CASP8: variants seen among roughly 807,000 people sequenced by gnomAD.
The protein encoded by CASP8 is caspase-8.
In CASP8, 24 loss-of-function variants were observed where a neutral mutation model predicts 46.3. The observed-to-expected ratio is 0.52, with a 90% CI of 0.38 to 0.73. The LOEUF (loss-of-function observed/expected upper bound fraction) is 0.73. Among genes scored for constraint, CASP8 ranks in the 30% least tolerant of loss-of-function variants. CASP8 has a pLI of 0.00. For missense variants in CASP8, 460 were observed against 559.0 expected (o/e 0.82, Z 1.79); for synonymous variants, 188 against 200.4 (o/e 0.94, Z 0.52).
chr2:201,241,694 T>C (rs1001138703), intron 2 of CASP8: 1 of 152,238 alleles, frequency 6.6e-6, no homozygotes, highest in African/African-American at 2.4e-5. Flanking sequence ...CTTCCAAATT[T>C]ATTTTATGTG....
chr2:201,251,321 G>A lies in CASP8; in HGVS notation c.-26-15140G>A, dbSNP rs929554667. On this transcript the variant is annotated intron_variant, in intron 2 of 6. Transcript: ENST00000264274. The stretch of plus-strand genomic sequence containing the variant: ...CGGTAAGCATATGCTTTGGCCAGGC[G>A]CGGTGGCTCATGACTGTGATCCCAG... Among the ~76,000 whole-genome samples the A allele has an allele frequency of 4.6e-5, 7 of 152,246 alleles. No homozygotes were observed. The South Asian group carries it at 1.0e-3, about 23-fold the overall frequency.
At chr2:201,271,352 G>A (rs535861013) in intron 2 of CASP8, among the ~76,000 whole-genome samples, 164 bp from the exon 3 acceptor site, 11 of 152,184 alleles carry the variant, frequency 7.2e-5, no homozygotes, top group Non-Finnish European at 1.3e-4. Flanking sequence ...AGACTTCTGT[G>A]TCACCACACC....
upstream of CASP8, among the ~76,000 whole-genome samples, chr2:201,258,739 C>G (rs1278462947): frequency 1.7e-5 from 2 of 115,194 alleles, no homozygotes; most frequent in Non-Finnish European, 3.7e-5. Flanking sequence ...GGCCCTGGGG[C>G]CGACGGTTAA....
In CASP8 at chr2:201,272,584, T is replaced by C. The variant is rs1487179790; in HGVS notation, c.412-54T>C. Reference sequence around the variant, plus strand: ...GGAAATTAAAAAAAAAAATCTAATCTAAAAACCAGTAGGGCTCAATCCAGA... The same window carrying C: ...GGAAATTAAAAAAAAAAATCTAATCCAAAAACCAGTAGGGCTCAATCCAGA... On this transcript the variant is annotated intron_variant, in intron 3 of 8. Coordinates refer to ENST00000673742, the MANE Select transcript of CASP8 (RefSeq NM_001372051.1). This position sits in a 1 kb window ranked among gnomAD's most constrained non-coding sequence, Gnocchi z 4.4. 2.5e-6 allele frequency: 4 copies of C among 1,601,732 alleles called. No homozygotes were observed. Among genetic ancestry groups the C allele is most frequent in the African/African-American group, 2.7e-5 (2 of 74,482 alleles).
At chr2:201,275,109 TA>T (rs1948545607) in intron 6 of CASP8, among the ~76,000 whole-genome samples, 156 bp downstream of exon 6, 1 of 152,148 alleles carries the variant, frequency 6.6e-6, no homozygotes, top group Non-Finnish European at 1.5e-5. Context: ...CAAAAAAAGT[TA>T]AAAATGTGAC....
At chr2:201,235,580 C>T (rs1194270836) in intron 2 of CASP8, among the ~76,000 whole-genome samples, 1 of 152,124 alleles carries the variant, frequency 6.6e-6, no homozygotes, top group Non-Finnish European at 1.5e-5. Context: ...TTAGTATTCT[C>T]TTAGTAATTG....
intron 5 of CASP8, among the ~76,000 whole-genome samples, chr2:201,274,405 T>C (rs1948490553): frequency 6.6e-6 from 1 of 152,232 alleles, no homozygotes; most frequent in African/African-American, 2.4e-5. Flanking sequence ...AGCATGTTAA[T>C]TGCCCTGCTT....
upstream of CASP8, chr2:201,258,477 A>C: frequency 1.4e-6 from 2 of 1,460,998 alleles, no homozygotes; most frequent in Non-Finnish European, 1.9e-6. Context: ...GGGGTGGGGA[A>C]GCAACTTGGA....
chr2:201,284,925 C>T lies in CASP8; in HGVS notation c.912C>T (p.His304=), dbSNP rs139361998. Reference sequence around the variant, plus strand: ...TGAAAATCTACCAACTCATGGACCACAGTAACATGGACTGCTTCATCTGCT... The same window carrying T: ...TGAAAATCTACCAACTCATGGACCATAGTAACATGGACTGCTTCATCTGCT... The part of the protein sequence containing the change: ...EILKIYQLMD[H]SNMDCFICCI... Residue 304 remains histidine (H), a synonymous_variant, in exon 8 of 9, where the codon CAC becomes CAT. Transcript: ENST00000673742. The T allele has an allele frequency of 4.9e-5, 79 of 1,614,018 alleles. No homozygotes were observed. Among genetic ancestry groups the T allele is most frequent in the Non-Finnish European group, 5.6e-5 (66 of 1,180,036 alleles).
chr2:201,274,241 T>G (rs1948479579), intron 5 of CASP8, among the ~76,000 whole-genome samples: 1 of 152,180 alleles, frequency 6.6e-6, no homozygotes, highest in Admixed American at 6.5e-5. Flanking sequence ...AAGTACTAAA[T>G]CATTAATTCA....
At position 201,270,789 on chromosome 2, in the gene CASP8, C is replaced by A. The variant is rs571640966; in HGVS notation, c.306-727C>A. On this transcript the variant is annotated intron_variant, in intron 2 of 8. Coordinates refer to ENST00000673742, the MANE Select transcript of CASP8 (RefSeq NM_001372051.1). ...TCAAGTGATCCTCCTTCTGCCTTGG[C>A]CTCCTAATGCGCTGGAATTAGAGGC... Among the ~76,000 whole-genome samples the A allele has an allele frequency of 2.0e-5, 3 of 152,314 alleles. No homozygotes were observed. The South Asian group carries it at 6.2e-4, about 32-fold the overall frequency.
rs752200936 is a variant in CASP8, at chr2:201,266,820, G to T, written c.305+29G>T. 6 of 1,574,386 alleles carry T rather than the reference G, an allele frequency of 3.8e-6. 1 individual carries two copies. In the South Asian group the frequency reaches 6.7e-5, roughly 18 times the overall value. ...GGTGGAAACTCCCATTGTGGGACTGGGAGGTGTGGGTTGAATGGACAGCCT... is the reference window on the plus strand; with the variant it reads ...GGTGGAAACTCCCATTGTGGGACTGTGAGGTGTGGGTTGAATGGACAGCCT... On this transcript the variant is annotated intron_variant, in intron 2 of 8. Transcript: ENST00000673742. This position sits in a 1 kb window ranked among gnomAD's most constrained non-coding sequence, Gnocchi z 5.7.
intron 2 of CASP8, among the ~76,000 whole-genome samples, chr2:201,252,168 G>A (rs1334232522): frequency 4.6e-5 from 7 of 152,032 alleles, no homozygotes; most frequent in Admixed American, 3.3e-4. Context: ...TTTTTGGTGA[G>A]GTATCTGTTC....
intron 2 of CASP8, among the ~76,000 whole-genome samples, chr2:201,245,437 C>T (rs1946469301): frequency 6.6e-6 from 1 of 152,144 alleles, no homozygotes; most frequent in South Asian, 2.1e-4. Flanking sequence ...GACAGGGTTT[C>T]ACCATGTTGG....
At chr2:201,255,083 A>G (rs1284861923) in intron 2 of CASP8, among the ~76,000 whole-genome samples, 1 of 152,140 alleles carries the variant, frequency 6.6e-6, no homozygotes, top group Non-Finnish European at 1.5e-5. Flanking sequence ...TTCACTTATT[A>G]ACACTTTTTA....
At chr2:201,257,398 C>A (rs1947072708), upstream of CASP8, among the ~76,000 whole-genome samples, 1 of 151,318 alleles carries the variant, frequency 6.6e-6, no homozygotes, top group African/African-American at 2.4e-5. Flanking sequence ...AGGAGAATCA[C>A]CTGAACTCAG....
intron 7 of CASP8, chr2:201,277,710 T>A (rs1576350291): frequency 6.7e-6 from 3 of 447,456 alleles, no homozygotes; most frequent in African/African-American, 4.1e-5. Flanking sequence ...ACATTTTTTT[T>A]TTTTTTTTGA....
intron 6 of CASP8, among the ~76,000 whole-genome samples, chr2:201,276,620 G>T (rs1948647215): frequency 6.6e-6 from 1 of 152,202 alleles, no homozygotes; most frequent in Admixed American, 6.5e-5. Context: ...GGAGGCCCAG[G>T]TATTGGGACA....
intron 2 of CASP8, among the ~76,000 whole-genome samples, chr2:201,248,278 G>T (rs1423260746): frequency 7.2e-5 from 11 of 152,118 alleles, no homozygotes; most frequent in Non-Finnish European, 8.8e-5. Context: ...CGAGTGCAGG[G>T]GTCCTTGAGT....
Sources: allele counts gnomAD v4.1 joint callset (sites outside exome capture counted in the v4.1 genomes callset), GRCh38; gene constraint gnomAD v4.1.1; non-coding constraint Gnocchi (gnomAD v3.1); transcripts MANE v1.5; gene names NCBI Gene and HGNC (gene_info 2026-07-23, HGNC 2026-07-21).